The following ANK2 variants were observed in gnomAD, a reference collection of about 807,000 sequenced individuals.
The protein encoded by ANK2 is ankyrin-2.
A neutral mutation model predicts 360.5 loss-of-function variants in ANK2; 83 were observed. The ratio of observed to expected loss-of-function variants is 0.23; its 90% CI spans 0.19 to 0.28. ANK2 has a LOEUF of 0.28. Among genes scored for constraint, ANK2 ranks in the 10% least tolerant of loss-of-function variants. The probability of loss-of-function intolerance (pLI) is 1.00; values close to 1 mark genes in which losing one functional copy is unlikely to be tolerated. For missense variants in ANK2, 4,201 were observed against 4,795.7 expected, an observed-to-expected ratio of 0.88 and a Z score of 3.66; for synonymous variants, 1,740 against 1,759.5, an observed-to-expected ratio of 0.99 and a Z score of 0.28.
At chr4:113,133,281 A>G (rs945516839) in intron 1 of ANK2, among the ~76,000 whole-genome samples, 4 of 152,188 alleles carry the variant, frequency 2.6e-5, no homozygotes, top group African/African-American at 4.8e-5. Flanking sequence ...GGTGAGATGT[A>G]TCAAGGGTCC....
At chr4:113,259,882 A>G (rs1194292293) in intron 13 of ANK2, among the ~76,000 whole-genome samples, 2 of 151,868 alleles carry the variant, frequency 1.3e-5, no homozygotes, top group Non-Finnish European at 1.5e-5. Context: ...CAAAAAACAA[A>G]CAACAACAAC....
chr4:113,121,521 C>CAA (rs1457692712), intron 1 of ANK2, among the ~76,000 whole-genome samples: 1 of 151,948 alleles, frequency 6.6e-6, no homozygotes, highest in Non-Finnish European at 1.5e-5. Context: ...AAAATTGCAC[C>CAA]AAAATATTTC....
chr4:113,140,065 G>A (rs2096582495), intron 1 of ANK2, among the ~76,000 whole-genome samples: 1 of 152,096 alleles, frequency 6.6e-6, no homozygotes, highest in Non-Finnish European at 1.5e-5. Context: ...TATAAACAGG[G>A]CCAATTTGTA....
intron 1 of ANK2, among the ~76,000 whole-genome samples, chr4:112,861,868 A>AGAGAGAGAGAGAGAGAGAGAG (rs201880535): frequency 1.2e-4 from 18 of 151,540 alleles, no homozygotes; most frequent in East Asian, 3.9e-4. Context: ...AGAGAGAGAG[A>AGAGAGAGAGAGAGAGAGAGAG]AACTCTCACA....
intron 9 of ANK2, among the ~76,000 whole-genome samples, chr4:113,248,264 G>A (rs544570056): frequency 6.6e-6 from 1 of 152,176 alleles, no homozygotes; most frequent in Non-Finnish European, 1.5e-5. Flanking sequence ...TAGTCTGTAG[G>A]AAAGAGACAA....
At chr4:113,323,787 A>G (rs772536983) in intron 26 of ANK2, 3 of 1,611,864 alleles carry the variant, frequency 1.9e-6, no homozygotes, top group African/African-American at 2.7e-5. Flanking sequence ...TGAACGTGAC[A>G]ACAGCAGGTG....
chr4:113,240,506 A>G lies in ANK2; in HGVS notation c.715A>G (p.Ile239Val). The change falls in exon 8 of 46, where the codon ATA becomes GTA. Residue 239 changes from isoleucine to valine, a missense_variant. Around this residue, in one of 4 missense-constraint regions of ANK2, gnomAD observed 122 missense variants for 239.3 expected, o/e 0.51. Transcript: ENST00000357077. ...TTESGFTPLH[I>V]AAHYGNVNVA... is the part of the protein sequence containing the mutation. The stretch of plus-strand genomic sequence containing the variant: ...ATAGAGTGGTTTTACCCCTTTGCAC[A>G]TAGCTGCACATTACGGAAATGTCAA... 1 of 1,613,978 alleles carries G rather than the reference A, an allele frequency of 6.2e-7. No individual in the cohort carries two copies. The highest frequency in any genetic ancestry group is 8.5e-7 in the Non-Finnish European group (1 of 1,179,890).
chr4:113,344,129 A>G (rs919160194), intron 34 of ANK2, among the ~76,000 whole-genome samples: 1 of 152,164 alleles, frequency 6.6e-6, no homozygotes, highest in African/African-American at 2.4e-5. Context: ...AACTGCTCAG[A>G]GGTAATGGAT....
intron 7 of ANK2, among the ~76,000 whole-genome samples, chr4:113,238,036 C>CT (rs1002774219): frequency 2.4e-4 from 36 of 150,760 alleles, no homozygotes; most frequent in East Asian, 9.7e-4. Flanking sequence ...TGCTGTTGCC[C>CT]TTTTTTTTTC....
At chr4:113,171,600 A>G (rs898424348) in intron 1 of ANK2, among the ~76,000 whole-genome samples, 1 of 152,292 alleles carries the variant, frequency 6.6e-6, no homozygotes, top group South Asian at 2.1e-4. Context: ...CTATGACTCA[A>G]CTGCTGAAGT....
chr4:112,993,139 G>T (rs1394962876), intron 2 of ANK2, among the ~76,000 whole-genome samples: 1 of 151,870 alleles, frequency 6.6e-6, no homozygotes, highest in Non-Finnish European at 1.5e-5. Context: ...AAAAAAATAG[G>T]TGGGCATGGT....
chr4:112,711,390 G>C, the ANK2 span, among the ~76,000 whole-genome samples: 1 of 152,106 alleles, frequency 6.6e-6, no homozygotes, highest in African/African-American at 2.4e-5. Context: ...GGGTATGGTC[G>C]TGGGTGCCTG....
chr4:113,256,015 C>G, intron 11 of ANK2, 83 bp downstream of exon 11: 2 of 1,468,016 alleles, frequency 1.4e-6, no homozygotes, highest in Non-Finnish European at 1.9e-6. Context: ...CATACACCAG[C>G]AATGCAAGGT....
the ANK2 span, among the ~76,000 whole-genome samples, chr4:112,809,328 G>A: frequency 6.6e-6 from 1 of 150,678 alleles, no homozygotes; most frequent in South Asian, 2.1e-4. Flanking sequence ...TTGGGAGGCC[G>A]AGACGGATGG....
chr4:113,061,020 C>A (rs976811088), intron 1 of ANK2, among the ~76,000 whole-genome samples: 1 of 152,018 alleles, frequency 6.6e-6, no homozygotes, highest in Non-Finnish European at 1.5e-5. Flanking sequence ...ACAGCAGGGA[C>A]CTCTTTCCAG....
At chr4:112,711,752 G>A in the ANK2 span, among the ~76,000 whole-genome samples, 5 of 151,360 alleles carry the variant, frequency 3.3e-5, no homozygotes, top group Non-Finnish European at 7.4e-5. Flanking sequence ...CCCAGGAGAC[G>A]GAGGTTGCAG....
At chr4:112,957,095 G>A (rs2095373841) in intron 2 of ANK2, among the ~76,000 whole-genome samples, 1 of 148,888 alleles carries the variant, frequency 6.7e-6, no homozygotes, top group African/African-American at 2.5e-5. Context: ...GACAATAGTG[G>A]AGGGAAGGTC....
At chr4:113,222,568 G>A (rs1290942785) in intron 4 of ANK2, among the ~76,000 whole-genome samples, 1 of 151,494 alleles carries the variant, frequency 6.6e-6, no homozygotes, top group Non-Finnish European at 1.5e-5. Flanking sequence ...AGCTGAGGGA[G>A]TAAAAAGAGT....
At chr4:113,000,117 T>G (rs1211783906) in intron 2 of ANK2, among the ~76,000 whole-genome samples, 1 of 152,168 alleles carries the variant, frequency 6.6e-6, no homozygotes, top group Non-Finnish European at 1.5e-5. Flanking sequence ...ATATACCATT[T>G]TAACAAAGAA....
Sources: allele counts gnomAD v4.1 joint callset (sites outside exome capture counted in the v4.1 genomes callset), GRCh38; gene constraint gnomAD v4.1.1; regional missense constraint gnomAD v4.1.1; transcripts MANE v1.5; gene names NCBI Gene and HGNC (gene_info 2026-07-23, HGNC 2026-07-21).